The following ATP8B4 variants were observed in gnomAD, a reference collection of about 807,000 sequenced individuals.
The protein encoded by ATP8B4 is ATPase phospholipid transporting 8B4 (putative).
ATP8B4 carries 133 observed loss-of-function variants against 145.6 expected under a neutral mutation model. The observed-to-expected ratio is 0.91, with a 90% CI of 0.79 to 1.05. The LOEUF (loss-of-function observed/expected upper bound fraction) is 1.05. Ranked by LOEUF, ATP8B4 falls within the 50% of genes least tolerant of loss-of-function variation. ATP8B4 has a pLI of 0.00. For missense variants in ATP8B4, 1,458 were observed against 1,425.2 expected, an observed-to-expected ratio of 1.02 and a Z score of -0.37; for synonymous variants, 507 against 492.9, an observed-to-expected ratio of 1.03 and a Z score of -0.38.
At chr15:50,174,175 A>C (rs1476554350) in intron 1 of ATP8B4, among the ~76,000 whole-genome samples, 1 of 152,196 alleles carries the variant, frequency 6.6e-6, no homozygotes, top group African/African-American at 2.4e-5. Flanking sequence ...TGACAAACCC[A>C]CAGCCAGCAT....
chr15:49,953,057 G>A (rs556748220), intron 14 of ATP8B4, among the ~76,000 whole-genome samples: 1 of 152,210 alleles, frequency 6.6e-6, no homozygotes, highest in East Asian at 1.9e-4. Flanking sequence ...CAAGGAGGCT[G>A]GAGAGCAGCA....
At chr15:50,123,596 T>C (rs1237343550), upstream of ATP8B4, among the ~76,000 whole-genome samples, 1 of 152,068 alleles carries the variant, frequency 6.6e-6, no homozygotes, top group East Asian at 1.9e-4. Flanking sequence ...CCCACAAAAT[T>C]ATCCTTAAAA....
At chr15:50,164,065 T>C (rs557836478) in intron 1 of ATP8B4, among the ~76,000 whole-genome samples, 3 of 152,246 alleles carry the variant, frequency 2.0e-5, no homozygotes, top group African/African-American at 7.2e-5. Flanking sequence ...CCAAGAATGT[T>C]GTTCAGGAGC....
intron 1 of ATP8B4, among the ~76,000 whole-genome samples, chr15:50,180,936 T>C (rs1019898959): frequency 1.3e-5 from 2 of 151,966 alleles, no homozygotes; most frequent in Non-Finnish European, 2.9e-5. Context: ...AAAGAGGACA[T>C]GGACAGAAAC....
intron 1 of ATP8B4, among the ~76,000 whole-genome samples, chr15:50,107,611 G>A (rs1193418016): frequency 1.3e-5 from 2 of 152,018 alleles, no homozygotes; most frequent in Non-Finnish European, 2.9e-5. Flanking sequence ...GATAAATGAA[G>A]GAGCAAACAA....
At chr15:49,913,019 T>C (rs76677071) in intron 20 of ATP8B4, among the ~76,000 whole-genome samples, 10,077 of 151,946 alleles carry the variant, frequency 0.066, 1,150 homozygotes, top group African/African-American at 0.23. Flanking sequence ...TAGTCCCCAC[T>C]ACTCAGGACG....
intron 6 of ATP8B4, among the ~76,000 whole-genome samples, chr15:50,023,056 G>A (rs4580097): frequency 0.53 from 81,193 of 151,844 alleles, 24,213 homozygotes; most frequent in African/African-American, 0.8. Flanking sequence ...TACTTTCTGG[G>A]AAACACTCTA....
At chr15:49,898,802 CA>C (rs1243026979) in intron 21 of ATP8B4, among the ~76,000 whole-genome samples, 1 of 152,122 alleles carries the variant, frequency 6.6e-6, no homozygotes, top group Non-Finnish European at 1.5e-5. Context: ...GAGGCCTGTG[CA>C]AAAGGGGGGC....
intron 8 of ATP8B4, among the ~76,000 whole-genome samples, chr15:50,000,077 C>T (rs1270218883): frequency 6.6e-6 from 1 of 152,130 alleles, no homozygotes; most frequent in Non-Finnish European, 1.5e-5. Context: ...GGATGTACCA[C>T]AATTTATTCA....
intron 20 of ATP8B4, among the ~76,000 whole-genome samples, chr15:49,903,471 T>C (rs1364401379): frequency 1.3e-5 from 2 of 152,222 alleles, no homozygotes; most frequent in African/African-American, 4.8e-5. Flanking sequence ...CCCATGTCAC[T>C]ACAAGCACAG....
chr15:50,002,305 A>G (rs1262422108), intron 7 of ATP8B4, 82 bp from the exon 8 acceptor site: 1 of 1,110,722 alleles, frequency 9.0e-7, no homozygotes, highest in Non-Finnish European at 1.3e-6. Context: ...CCTCTTGACT[A>G]CTAAAGAGGC....
In ATP8B4 at chr15:50,086,059, A is replaced by T. The variant is rs8026573; in HGVS notation, c.29-11874T>A. Among the ~76,000 whole-genome samples the T allele has an allele frequency of 9.9e-3, 1,054 of 106,294 alleles. 87 individuals carry two copies. Among genetic ancestry groups the T allele is most frequent in the African/African-American group, 0.045 (1,003 of 22,352 alleles). The allele number at this position is 106,294 out of a possible 152,430, so 69.7% of individuals were successfully genotyped here. On this transcript the variant is annotated intron_variant, in intron 2 of 27. Transcript: ENST00000284509. ...TATAATATAATATATAGATCTATAT[A>T]TATTATATATAATAAATATAGAACT...
chr15:50,036,712 T>G (rs913069664), intron 6 of ATP8B4, among the ~76,000 whole-genome samples: 1 of 152,136 alleles, frequency 6.6e-6, no homozygotes, highest in Non-Finnish European at 1.5e-5. Flanking sequence ...ACAGATACTG[T>G]GGTAGGCTCA....
chr15:50,062,216 C>T (rs1291490932), intron 3 of ATP8B4, among the ~76,000 whole-genome samples: 1 of 152,124 alleles, frequency 6.6e-6, no homozygotes, highest in Non-Finnish European at 1.5e-5. Flanking sequence ...ATCATGAGGG[C>T]AGTTTCTAAG....
chr15:50,138,456 G>T (rs897965479), intron 1 of ATP8B4, among the ~76,000 whole-genome samples: 3 of 99,576 alleles, frequency 3.0e-5, no homozygotes, highest in African/African-American at 8.4e-5. Flanking sequence ...ATAGACAGAT[G>T]ATAGACAGAT....
chr15:50,087,459 T>C (rs1468185695), intron 2 of ATP8B4, among the ~76,000 whole-genome samples: 1 of 148,252 alleles, frequency 6.7e-6, no homozygotes, highest in Non-Finnish European at 1.5e-5. Flanking sequence ...ACACTCCTCA[T>C]ATTCTTGAGA....
chr15:50,020,348 C>T (rs1169279418), intron 6 of ATP8B4, among the ~76,000 whole-genome samples: 1 of 151,106 alleles, frequency 6.6e-6, no homozygotes, highest in Non-Finnish European at 1.5e-5. Context: ...CGGCTCACTG[C>T]AACATCCACT....
rs565570308 is a variant in ATP8B4, at chr15:50,128,992, C to T, written c.-42-21984G>A. Among the ~76,000 whole-genome samples the T allele has an allele frequency of 2.0e-5, 3 of 152,244 alleles. No individual in the cohort carries two copies. The South Asian group carries it at 6.2e-4, about 32-fold the overall frequency. ...CTGAGGCAGAAGAATCACTTGAACC[C>T]GGGAGGTGGAGGTTGCAGTGAGCTG... On this transcript the variant is annotated intron_variant, in intron 1 of 3. Transcript: ENST00000558829.
chr15:49,944,384 C>T (rs1380711897), intron 14 of ATP8B4, among the ~76,000 whole-genome samples: 1 of 152,006 alleles, frequency 6.6e-6, no homozygotes, highest in Non-Finnish European at 1.5e-5. Context: ...AAAAAATATT[C>T]CATGAAAATG....
Sources: gnomAD v4.1 joint callset for allele counts (sites outside exome capture counted in the v4.1 genomes callset) on GRCh38, gnomAD v4.1.1 for gene constraint, MANE v1.5 for transcripts, NCBI Gene and HGNC (gene_info 2026-07-23, HGNC 2026-07-21) for gene names.